Variants in TMEM114 observed in about 807,000 individuals in gnomAD.
TMEM114 encodes the protein claudin-26.
TMEM114 carries 6 observed loss-of-function variants against 6.2 expected under a neutral mutation model. The observed-to-expected ratio is 0.97, with a 90% CI of 0.53 to 1.91. TMEM114 has a LOEUF of 1.91. Ranked by LOEUF, TMEM114 falls within the 40% of genes most tolerant of loss-of-function variation. TMEM114 has a pLI of 0.01. For synonymous variants in TMEM114, 104 were observed against 73.0 expected (o/e 1.42, Z -2.16); for missense variants, 218 against 158.3 (o/e 1.38, Z -2.02).
intron 2 of TMEM114, among the ~76,000 whole-genome samples, chr16:8,559,412 GA>G (rs59878460): frequency 0.34 from 51,098 of 151,772 alleles, 10,526 homozygotes; most frequent in African/African-American, 0.55. Flanking sequence ...CAGCTGTGGA[GA>G]AAAAAACAAT....
At chr16:8,539,014 C>G (rs1056099694) in intron 2 of TMEM114, among the ~76,000 whole-genome samples, 2 of 152,146 alleles carry the variant, frequency 1.3e-5, no homozygotes, top group South Asian at 2.1e-4. Context: ...TAAATATGTA[C>G]TCAATAACTT....
At chr16:8,555,611 C>T (rs542339636) in intron 2 of TMEM114, among the ~76,000 whole-genome samples, 19 of 152,268 alleles carry the variant, frequency 1.2e-4, no homozygotes, top group South Asian at 2.1e-4. Flanking sequence ...CAATCTGGTC[C>T]GGGGTCCAGT....
chr16:8,540,957 G>A (rs1900499433), intron 2 of TMEM114, among the ~76,000 whole-genome samples: 1 of 152,308 alleles, frequency 6.6e-6, no homozygotes, highest in African/African-American at 2.4e-5. Context: ...CAAAGTCCCT[G>A]TGGCAAAGAC....
intron 2 of TMEM114, among the ~76,000 whole-genome samples, chr16:8,585,334 C>T (rs1049469471): frequency 6.6e-6 from 1 of 152,144 alleles, no homozygotes; most frequent in Non-Finnish European, 1.5e-5. Context: ...CATGGGACTT[C>T]CCTAACAGTC....
chr16:8,535,619 G>T (rs1019660099), downstream of TMEM114, among the ~76,000 whole-genome samples: 3 of 152,192 alleles, frequency 2.0e-5, no homozygotes, highest in African/African-American at 7.2e-5. Context: ...CAAGGAAAAA[G>T]GATTTCCAAA....
exon 3 of TMEM114, chr16:8,537,742 C>T (rs71377115): frequency 0.12 from 17,777 of 152,048 alleles, 1,282 homozygotes; most frequent in Middle Eastern, 0.19. Flanking sequence ...CTTTCCATGA[C>T]GGCAAAGCCC....
At chr16:8,557,262 C>T (rs916901910) in intron 2 of TMEM114, among the ~76,000 whole-genome samples, 4 of 152,184 alleles carry the variant, frequency 2.6e-5, no homozygotes, top group Non-Finnish European at 5.9e-5. Flanking sequence ...GGTAACACAA[C>T]TTCCACCTTG....
At chr16:8,543,552 C>T (rs960291760) in intron 2 of TMEM114, among the ~76,000 whole-genome samples, 4 of 152,072 alleles carry the variant, frequency 2.6e-5, no homozygotes, top group African/African-American at 9.7e-5. Context: ...ACCCCTCCCA[C>T]CGAAACATCA....
rs1177967274 is a variant in TMEM114, at chr16:8,590,299, C to T, written c.-461G>A. 6.3e-6 allele frequency: 1 copy of T among 157,710 alleles called. No individual in the cohort carries two copies. Among genetic ancestry groups the T allele is most frequent in the Non-Finnish European group, 1.4e-5 (1 of 71,862 alleles). 9.8% of individuals were successfully genotyped at this position (157,710 alleles called of 1,614,324 possible). The stretch of plus-strand genomic sequence containing the variant: ...CCCAGACTCCTACTCCCTCCATTCC[C>T]CTGCCTCACTCTCCACGAACCCTCC... On this transcript the variant is annotated 5_prime_UTR_variant, in exon 1 of 4. Coordinates refer to ENST00000620492, the MANE Select transcript of TMEM114 (RefSeq NM_001146336.2).
intron 2 of TMEM114, among the ~76,000 whole-genome samples, chr16:8,559,174 C>G (rs1901118703): frequency 6.6e-6 from 1 of 152,120 alleles, no homozygotes; most frequent in African/African-American, 2.4e-5. Context: ...TCCTGGTTAG[C>G]TGGGACTATA....
chr16:8,529,124 C>T, the TMEM114 span, among the ~76,000 whole-genome samples: 2 of 152,190 alleles, frequency 1.3e-5, no homozygotes, highest in Admixed American at 1.3e-4. Context: ...GAAGAGATTG[C>T]AGCTGGCTAG....
At chr16:8,563,297 A>AATGAGTGAGTGAG (rs1901351187) in intron 2 of TMEM114, among the ~76,000 whole-genome samples, 1 of 135,890 alleles carries the variant, frequency 7.4e-6, no homozygotes, top group African/African-American at 2.9e-5. Flanking sequence ...GAGTGAGTGA[A>AATGAGTGAGTGAG]TAAATGAGTG....
chr16:8,538,467 G>A (rs955962798), intron 2 of TMEM114, among the ~76,000 whole-genome samples: 1 of 151,846 alleles, frequency 6.6e-6, no homozygotes, highest in Admixed American at 6.6e-5. Flanking sequence ...TATGAACCTA[G>A]ACAAAGAATG....
intron 2 of TMEM114, among the ~76,000 whole-genome samples, chr16:8,547,475 C>A (rs998496210): frequency 6.6e-6 from 1 of 151,610 alleles, no homozygotes; most frequent in Non-Finnish European, 1.5e-5. Flanking sequence ...TCACTACAAC[C>A]TCTGCCTCCT....
intron 2 of TMEM114, among the ~76,000 whole-genome samples, chr16:8,556,216 A>G (rs1901005086): frequency 6.6e-6 from 1 of 151,998 alleles, no homozygotes; most frequent in Admixed American, 6.6e-5. Flanking sequence ...TCATCTACAC[A>G]AGTATCAGCC....
chr16:8,569,794 C>G lies in TMEM114; in HGVS notation c.651G>C (p.Arg217=), dbSNP rs767624935. The change falls in exon 4 of 4, where the codon CGG becomes CGC. Residue 217 remains arginine, a synonymous_variant. Transcript: ENST00000620492. ...AGGCTCATATGGCCTGGTCCTGCCT[C>G]CGTCTCAGGCTGAGCTCGCGGGCTG... ...LAAARELSLR[R]RQDQAI 1.8e-5 allele frequency: 28 copies of G among 1,550,516 alleles called. No individual in the cohort carries two copies. The highest frequency in any genetic ancestry group is 1.7e-4 in the Middle Eastern group (1 of 6,014).
chr16:8,577,993 G>A (rs1396325565), intron 2 of TMEM114, among the ~76,000 whole-genome samples: 2 of 152,190 alleles, frequency 1.3e-5, no homozygotes, highest in African/African-American at 2.4e-5. Context: ...ACACCTCATC[G>A]AACAAGGCCA....
chr16:8,534,023 G>T (rs551724811), downstream of TMEM114, among the ~76,000 whole-genome samples: 1 of 152,164 alleles, frequency 6.6e-6, no homozygotes, highest in South Asian at 2.1e-4. Context: ...AATGGCTCTC[G>T]TTTTGAGATT....
At chr16:8,540,025 C>T (rs900325136) in intron 2 of TMEM114, among the ~76,000 whole-genome samples, 3 of 152,066 alleles carry the variant, frequency 2.0e-5, no homozygotes, top group Non-Finnish European at 4.4e-5. Flanking sequence ...ACCACGTTGA[C>T]CAGGCTGGTC....
Sources: gnomAD v4.1 joint callset for allele counts (sites outside exome capture counted in the v4.1 genomes callset) on GRCh38, gnomAD v4.1.1 for gene constraint, MANE v1.5 for transcripts, NCBI Gene and HGNC (gene_info 2026-07-23, HGNC 2026-07-21) for gene names.